Variants in SPTBN1 observed in about 807,000 individuals in gnomAD.
SPTBN1 encodes spectrin beta chain, non-erythrocytic 1.
In SPTBN1, 32 loss-of-function variants were observed where a neutral mutation model predicts 266.4. The observed-to-expected ratio is 0.12, with a 90% confidence interval of 0.09 to 0.16. The LOEUF (loss-of-function observed/expected upper bound fraction) is 0.16, where lower values mean the gene tolerates loss of function less well. Among genes scored for constraint, SPTBN1 ranks in the 10% least tolerant of loss-of-function variants. The probability of loss-of-function intolerance (pLI) is 1.00; values close to 1 mark genes in which losing one functional copy is unlikely to be tolerated. For missense variants in SPTBN1, 2,296 were observed against 3,067.1 expected, an observed-to-expected ratio of 0.75 and a Z score of 5.94; for synonymous variants, 1,336 against 1,162.2, an observed-to-expected ratio of 1.15 and a Z score of -3.04.
In SPTBN1 at chr2:54,626,066, T is replaced by C. The variant is rs2103898923; in HGVS notation, c.1476T>C (p.Asn492=). 6.2e-7 allele frequency: 1 copy of C among 1,614,094 alleles called. No individual in the cohort carries two copies. The highest frequency in any genetic ancestry group is 8.5e-7 in the Non-Finnish European group (1 of 1,180,038). The stretch of plus-strand genomic sequence containing the variant: ...TGGCCAGGGAGCTCGAGGCCGAGAA[T>C]TACCACGACATCAAGCGCATCACAG... The part of the protein sequence containing the change: ...VAVARELEAE[N]YHDIKRITAR... The change falls in exon 12 of 36, where the codon AAT becomes AAC. Residue 492 remains asparagine (N), a synonymous_variant. Transcript: ENST00000356805. The surrounding 1 kb of genome is among the most constrained non-coding windows in gnomAD (Gnocchi z 4.7).
intron 3 of SPTBN1, among the ~76,000 whole-genome samples, chr2:54,605,778 A>G (rs1465223923): frequency 6.6e-6 from 1 of 152,184 alleles, no homozygotes; most frequent in East Asian, 1.9e-4. Flanking sequence ...CTCCTCTCGT[A>G]TAGTACCACC....
chr2:54,547,306 CTTTT>C (rs1672303531), intron 2 of SPTBN1, among the ~76,000 whole-genome samples: 1 of 152,124 alleles, frequency 6.6e-6, no homozygotes, highest in Non-Finnish European at 1.5e-5. Context: ...GAATTTTCTT[CTTTT>C]TAAGTAATAT....
At position 54,659,265 on chromosome 2, in the gene SPTBN1, T is replaced by A; in HGVS notation, c.6355T>A (p.Trp2119Arg). Residue 2119 changes from tryptophan to arginine, a missense_variant and splice_region_variant, in exon 31 of 36, where the codon TGG (tryptophan) becomes AGG (arginine). Trp to Arg is a moderately radical substitution (Grantham distance 101). Transcript: ENST00000356805. ...VSEEAESQQQ[W>R]DTSKGEQVSQ... ...AGAGGAAGCCGAGTCCCAGCAGCAG[T>A]GGTGAGTCCCAGCAGCTCCAGAGGC... 1 of 1,613,852 alleles carries A rather than the reference T, an allele frequency of 6.2e-7. No homozygotes were observed. The highest frequency in any genetic ancestry group is 8.5e-7 in the Non-Finnish European group (1 of 1,179,918).
At chr2:54,596,136 G>C (rs1442139598) in intron 2 of SPTBN1, among the ~76,000 whole-genome samples, 2 of 152,154 alleles carry the variant, frequency 1.3e-5, no homozygotes, top group Non-Finnish European at 2.9e-5. Flanking sequence ...AGTCACAGCA[G>C]CTTGAGCTTG....
In SPTBN1 at chr2:54,577,062, T is replaced by C. The variant is rs77670629; in HGVS notation, c.149-22030T>C. Reference sequence around the variant, plus strand: ...CTTGGGACATCATGCAAGTTTTTTTTCCCCTTCCATTTCATTTGTTAATGC... The same window carrying C: ...CTTGGGACATCATGCAAGTTTTTTTCCCCCTTCCATTTCATTTGTTAATGC... On this transcript the variant is annotated intron_variant, in intron 2 of 35. Transcript: ENST00000356805. Among the ~76,000 whole-genome samples, 28 of 152,274 alleles carry C rather than the reference T, an allele frequency of 1.8e-4. No individual in the cohort carries two copies. The East Asian group carries it at 5.0e-3, about 27-fold the overall frequency.
intron 2 of SPTBN1, among the ~76,000 whole-genome samples, chr2:54,582,661 G>A (rs923276657): frequency 1.3e-5 from 2 of 152,124 alleles, no homozygotes; most frequent in African/African-American, 4.8e-5. Context: ...CAGGAATTAA[G>A]GTGGCAGGAT....
chr2:54,565,853 A>G (rs1483046523), intron 2 of SPTBN1, among the ~76,000 whole-genome samples: 2 of 152,352 alleles, frequency 1.3e-5, no homozygotes, highest in African/African-American at 2.4e-5. Context: ...CTTTTAAAGA[A>G]AACTTCTACA....
At chr2:54,574,046 G>C (rs1674284288) in intron 2 of SPTBN1, among the ~76,000 whole-genome samples, 1 of 151,980 alleles carries the variant, frequency 6.6e-6, no homozygotes, top group African/African-American at 2.4e-5. Flanking sequence ...TTTTGTGGGG[G>C]GACACAAATG....
chr2:54,597,763 ACT>A (rs1676191515), intron 2 of SPTBN1, among the ~76,000 whole-genome samples: 1 of 150,584 alleles, frequency 6.6e-6, no homozygotes, highest in Non-Finnish European at 1.5e-5. Flanking sequence ...AGAACCCAGT[ACT>A]CTCAGGCGAC....
intron 2 of SPTBN1, chr2:54,557,629 C>T (rs1672963003): frequency 1.3e-6 from 1 of 790,114 alleles, no homozygotes. Flanking sequence ...CCCTCCGGAT[C>T]ATAAACAACT....
chr2:54,616,848 AC>A (rs1399823229), intron 5 of SPTBN1, among the ~76,000 whole-genome samples: 1 of 152,222 alleles, frequency 6.6e-6, no homozygotes, highest in Non-Finnish European at 1.5e-5. Flanking sequence ...ATAGGTACTT[AC>A]TGAGACCCAA....
At chr2:54,508,540 C>G (rs541752164) in intron 1 of SPTBN1, among the ~76,000 whole-genome samples, 2 of 141,358 alleles carry the variant, frequency 1.4e-5, no homozygotes, top group African/African-American at 6.4e-5. Flanking sequence ...TTCTAAGAGG[C>G]GGGCTAGCGG....
intron 2 of SPTBN1, among the ~76,000 whole-genome samples, chr2:54,578,616 C>A (rs1674652140): frequency 6.6e-6 from 1 of 152,150 alleles, no homozygotes; most frequent in Non-Finnish European, 1.5e-5. Context: ...CCTAAAACCA[C>A]AAACTTGATT....
chr2:54,523,104 A>G (rs1670586285), intron 1 of SPTBN1, among the ~76,000 whole-genome samples: 1 of 152,246 alleles, frequency 6.6e-6, no homozygotes. Context: ...TATATTCAAG[A>G]TCAGATGATT....
At chr2:54,576,765 A>T (rs1209069965) in intron 2 of SPTBN1, among the ~76,000 whole-genome samples, 1 of 152,226 alleles carries the variant, frequency 6.6e-6, no homozygotes, top group African/African-American at 2.4e-5. Flanking sequence ...AGCAGCTTAC[A>T]GTGCTGAGCA....
At chr2:54,467,463 C>T (rs1164314641) in intron 1 of SPTBN1, among the ~76,000 whole-genome samples, 1 of 152,176 alleles carries the variant, frequency 6.6e-6, no homozygotes, top group African/African-American at 2.4e-5. Context: ...GGCGCGATCT[C>T]GGCTCACTGC....
At position 54,631,252 on chromosome 2, in the gene SPTBN1, C is replaced by T. The variant is rs1678712726; in HGVS notation, c.3205C>T (p.Arg1069Trp). The change falls in exon 16 of 36, where the codon CGG (arginine) becomes TGG (tryptophan). Residue 1069 changes from arginine to tryptophan, a missense_variant. Arg to Trp is a moderately radical substitution (Grantham distance 101). Coordinates refer to ENST00000356805, the MANE Select transcript of SPTBN1 (RefSeq NM_003128.3). ...GEASKLQQFL[R>W]DLDDFQSWLS... ...GGCCAGCAAGCTGCAGCAGTTCCTA[C>T]GGGACTTGGACGACTTCCAGTCCTG... is the stretch of plus-strand genomic sequence containing the variant. The T allele has an allele frequency of 3.1e-6, 5 of 1,614,176 alleles. No homozygotes were observed. The highest frequency in any genetic ancestry group is 2.5e-6 in the Non-Finnish European group (3 of 1,180,010).
intron 1 of SPTBN1, among the ~76,000 whole-genome samples, chr2:54,479,726 A>G (rs567042953): frequency 4.6e-5 from 7 of 152,340 alleles, no homozygotes; most frequent in South Asian, 2.1e-4. Context: ...AAGTTTTGCA[A>G]TGTTGTTTGG....
chr2:54,632,396 C>G (rs994083128), intron 16 of SPTBN1, among the ~76,000 whole-genome samples, 170 bp from the exon 17 acceptor site: 3 of 152,178 alleles, frequency 2.0e-5, no homozygotes, highest in African/African-American at 7.2e-5. Flanking sequence ...CGGTCAGTTA[C>G]AGTGTCCCAC....
Sources: gnomAD v4.1 joint callset for allele counts (sites outside exome capture counted in the v4.1 genomes callset) on GRCh38, gnomAD v4.1.1 for gene constraint, Gnocchi (gnomAD v3.1) non-coding constraint, MANE v1.5 for transcripts, NCBI Gene and HGNC (gene_info 2026-07-23, HGNC 2026-07-21) for gene names.